The following ZBTB7C variants were observed in gnomAD, a reference collection of about 807,000 sequenced individuals.
ZBTB7C encodes zinc finger and BTB domain-containing protein 7C.
ZBTB7C carries 8 observed loss-of-function variants against 25.7 expected under a neutral mutation model. The ratio of observed to expected loss-of-function variants is 0.31; its 90% CI spans 0.18 to 0.56. The LOEUF is 0.56. ZBTB7C is among the 20% of genes least tolerant of loss of function. The pLI is 0.91. For missense variants in ZBTB7C, 824 were observed against 855.2 expected (o/e 0.96, Z 0.46); for synonymous variants, 394 against 369.0 (o/e 1.07, Z -0.78).
chr18:48,334,139 G>C (rs1269274152), intron 2 of ZBTB7C, among the ~76,000 whole-genome samples: 1 of 152,148 alleles, frequency 6.6e-6, no homozygotes, highest in African/African-American at 2.4e-5. Context: ...TCCCAGGAAG[G>C]ATGGATTATG....
chr18:48,128,110 G>C (rs1568240031), intron 3 of ZBTB7C, among the ~76,000 whole-genome samples: 1 of 152,206 alleles, frequency 6.6e-6, no homozygotes, highest in Non-Finnish European at 1.5e-5. Context: ...ACTCCTGCCT[G>C]CCTGAACATC....
intron 1 of ZBTB7C, among the ~76,000 whole-genome samples, chr18:48,396,637 G>A (rs79825750): frequency 0.016 from 2,454 of 152,310 alleles, 84 homozygotes; most frequent in African/African-American, 0.057. Context: ...GTGAGCCTTT[G>A]AATGAGGTCC....
At position 48,040,130 on chromosome 18, in the gene ZBTB7C, C is replaced by G; in HGVS notation, c.978G>C (p.Lys326Asn). The part of the protein sequence containing the change: ...DLPGGPLGPI[K>N]AENDYGAYLN... ...GATAGGCACCGTAGTCGTTCTCCGC[C>G]TTGATGGGTCCCAGAGGCCCCCCCG... The change falls in exon 4 of 5, where the codon AAG becomes AAC. Residue 326 changes from lysine (K) to asparagine (N), a missense_variant. Lys to Asn is a moderately conservative substitution (Grantham distance 94). This residue lies in a region of ZBTB7C where 316 missense variants were observed against 299.2 expected (regional missense o/e 1.06). Coordinates refer to ENST00000590800, the MANE Select transcript of ZBTB7C (RefSeq NM_001318841.2). 6.3e-7 allele frequency: 1 copy of G among 1,591,392 alleles called. No individual in the cohort carries two copies. The highest frequency in any genetic ancestry group is 8.6e-7 in the Non-Finnish European group (1 of 1,168,572).
chr18:48,237,498 T>C, intron 2 of ZBTB7C, among the ~76,000 whole-genome samples: 1 of 152,128 alleles, frequency 6.6e-6, no homozygotes, highest in Admixed American at 6.5e-5. Context: ...ACCTTGGCTA[T>C]CAGGGAAATG....
chr18:48,251,913 G>T (rs533308118), intron 2 of ZBTB7C, among the ~76,000 whole-genome samples: 141 of 152,082 alleles, frequency 9.3e-4, no homozygotes, highest in African/African-American at 3.3e-3. Context: ...TCTTTCTTTT[G>T]CCTATTAAAC....
chr18:48,176,903 G>A (rs1277569462), intron 3 of ZBTB7C, among the ~76,000 whole-genome samples: 5 of 152,210 alleles, frequency 3.3e-5, no homozygotes. Context: ...AAACCCATCT[G>A]GGTTCAGTGT....
At chr18:48,162,916 A>G (rs2041116350) in intron 3 of ZBTB7C, among the ~76,000 whole-genome samples, 1 of 152,116 alleles carries the variant, frequency 6.6e-6, no homozygotes, top group Non-Finnish European at 1.5e-5. Context: ...ACTGAGGAGG[A>G]TGAACGTTCA....
At chr18:48,191,664 G>A (rs915846833) in intron 2 of ZBTB7C, among the ~76,000 whole-genome samples, 1 of 152,200 alleles carries the variant, frequency 6.6e-6, no homozygotes, top group African/African-American at 2.4e-5. Flanking sequence ...GGAGCCCAGC[G>A]CTTGGTGAGA....
At chr18:48,395,951 C>T (rs1378817338) in intron 1 of ZBTB7C, among the ~76,000 whole-genome samples, 1 of 152,190 alleles carries the variant, frequency 6.6e-6, no homozygotes, top group Non-Finnish European at 1.5e-5. Flanking sequence ...ATAGGTGACT[C>T]TCAGGGAGGT....
chr18:48,257,669 A>G (rs2044058077), intron 2 of ZBTB7C, among the ~76,000 whole-genome samples: 1 of 152,196 alleles, frequency 6.6e-6, no homozygotes, highest in Non-Finnish European at 1.5e-5. Context: ...ATTTCAGCAA[A>G]TAGAATTTGA....
At chr18:48,298,185 CAGG>C (rs946464278) in intron 2 of ZBTB7C, among the ~76,000 whole-genome samples, 2 of 150,948 alleles carry the variant, frequency 1.3e-5, no homozygotes, top group African/African-American at 4.9e-5. Flanking sequence ...AAGGCTGCGG[CAGG>C]AGAATTACTT....
intron 3 of ZBTB7C, among the ~76,000 whole-genome samples, chr18:48,124,120 G>A (rs1014941608): frequency 6.6e-6 from 1 of 152,200 alleles, no homozygotes; most frequent in Non-Finnish European, 1.5e-5. Context: ...CTCCAGGCAG[G>A]CTGGGCCCCT....
intron 2 of ZBTB7C, among the ~76,000 whole-genome samples, chr18:48,271,690 G>A (rs1373481397): frequency 6.6e-6 from 1 of 151,630 alleles, no homozygotes; most frequent in Non-Finnish European, 1.5e-5. Flanking sequence ...TTAATACAAT[G>A]TGTCACATTA....
At chr18:48,228,979 A>G (rs1242110338) in intron 2 of ZBTB7C, among the ~76,000 whole-genome samples, 1 of 152,050 alleles carries the variant, frequency 6.6e-6, no homozygotes, top group Non-Finnish European at 1.5e-5. Flanking sequence ...GCCTCGAACC[A>G]TCTGGAAACA....
chr18:48,232,406 T>A (rs1034450521), intron 2 of ZBTB7C, among the ~76,000 whole-genome samples: 1 of 152,182 alleles, frequency 6.6e-6, no homozygotes, highest in Non-Finnish European at 1.5e-5. Context: ...TACTTTGTCA[T>A]ACTTTGTTAT....
intron 3 of ZBTB7C, among the ~76,000 whole-genome samples, chr18:48,163,097 G>A (rs192078626): frequency 3.6e-4 from 55 of 152,308 alleles, no homozygotes; most frequent in African/African-American, 1.2e-3. Flanking sequence ...ATGTAGGGGC[G>A]CTGGAATGAC....
At chr18:48,120,477 T>C (rs2039591550) in intron 3 of ZBTB7C, among the ~76,000 whole-genome samples, 1 of 151,932 alleles carries the variant, frequency 6.6e-6, no homozygotes, top group Admixed American at 6.6e-5. Flanking sequence ...AATACAAAAA[T>C]TGGGCATGGT....
chr18:48,366,082 T>C (rs534125400), intron 1 of ZBTB7C, among the ~76,000 whole-genome samples: 2 of 152,356 alleles, frequency 1.3e-5, no homozygotes, highest in South Asian at 2.1e-4. Context: ...TCTAAAAGTG[T>C]ACCTTCCCTT....
chr18:48,191,084 CG>C (rs2042182964), intron 2 of ZBTB7C, among the ~76,000 whole-genome samples: 2 of 152,190 alleles, frequency 1.3e-5, no homozygotes, highest in South Asian at 4.1e-4. Flanking sequence ...AAGACAAGAG[CG>C]GAAGTCAGGT....
Sources: allele counts gnomAD v4.1 joint callset (sites outside exome capture counted in the v4.1 genomes callset), GRCh38; gene constraint gnomAD v4.1.1; regional missense constraint gnomAD v4.1.1; transcripts MANE v1.5; gene names NCBI Gene and HGNC (gene_info 2026-07-23, HGNC 2026-07-21).